Variants in MRTFB observed in about 807,000 individuals in gnomAD.
MRTFB encodes the protein myocardin related transcription factor B.
A neutral mutation model predicts 104.2 loss-of-function variants in MRTFB; 29 were observed. The ratio of observed to expected loss-of-function variants is 0.28; its 90% CI spans 0.21 to 0.38. The LOEUF is 0.38. MRTFB is among the 10% of genes least tolerant of loss of function. The probability of loss-of-function intolerance (pLI) is 1.00; values close to 1 mark genes in which losing one functional copy is unlikely to be tolerated. For missense variants in MRTFB, 1,270 were observed against 1,341.6 expected (o/e 0.95, Z 0.83); for synonymous variants, 535 against 519.5 (o/e 1.03, Z -0.41).
chr16:14,176,097 T>A (rs2039574096), intron 3 of MRTFB, among the ~76,000 whole-genome samples: 1 of 152,220 alleles, frequency 6.6e-6, no homozygotes, highest in Non-Finnish European at 1.5e-5. Flanking sequence ...TTAAATTATA[T>A]CTCAGCAAAA....
intron 3 of MRTFB, among the ~76,000 whole-genome samples, chr16:14,175,697 G>A (rs1386356430): frequency 6.6e-6 from 1 of 152,092 alleles, no homozygotes; most frequent in African/African-American, 2.4e-5. Context: ...GTAGCTCAAA[G>A]TTGAAAACTA....
chr16:14,139,082 T>G (rs1384455926), intron 2 of MRTFB, among the ~76,000 whole-genome samples: 5 of 152,174 alleles, frequency 3.3e-5, no homozygotes, highest in Non-Finnish European at 7.4e-5. Flanking sequence ...CATTAGTGGA[T>G]TTCATCAAAT....
chr16:14,167,992 A>G (rs889563314), intron 3 of MRTFB, among the ~76,000 whole-genome samples: 2 of 152,098 alleles, frequency 1.3e-5, no homozygotes, highest in African/African-American at 4.8e-5. Flanking sequence ...CGGCCAATCT[A>G]TCTTGAGTTA....
At chr16:14,210,158 G>C in intron 3 of MRTFB, 85 bp from the exon 4 acceptor site, 1 of 979,538 alleles carries the variant, frequency 1.0e-6, no homozygotes, top group African/African-American at 1.6e-5. Context: ...GCTTGATAAA[G>C]CTTAATTGCA....
At chr16:14,121,004 A>G (rs1462992373) in intron 2 of MRTFB, among the ~76,000 whole-genome samples, 1 of 152,124 alleles carries the variant, frequency 6.6e-6, no homozygotes, top group Non-Finnish European at 1.5e-5. Context: ...ACTCATATAT[A>G]TGTATAGTAT....
At chr16:14,060,382 T>A in the MRTFB span, among the ~76,000 whole-genome samples, 1 of 152,176 alleles carries the variant, frequency 6.6e-6, no homozygotes, top group East Asian at 1.9e-4. Flanking sequence ...AGTTGATGAA[T>A]GGATTCGCCA....
intron 2 of MRTFB, among the ~76,000 whole-genome samples, chr16:14,118,748 TACAC>T (rs933526439): frequency 4.0e-5 from 6 of 151,758 alleles, no homozygotes; most frequent in African/African-American, 1.5e-4. Context: ...CACATATATA[TACAC>T]ACACACATAT....
At chr16:14,090,091 A>AT (rs1174631339) in intron 2 of MRTFB, among the ~76,000 whole-genome samples, 1 of 151,508 alleles carries the variant, frequency 6.6e-6, no homozygotes, top group Non-Finnish European at 1.5e-5. Flanking sequence ...CCATTTTGTG[A>AT]TTGTCTTTTC....
chr16:14,040,354 T>C, the MRTFB span, among the ~76,000 whole-genome samples: 1 of 152,206 alleles, frequency 6.6e-6, no homozygotes, highest in African/African-American at 2.4e-5. Flanking sequence ...ATAGAATACA[T>C]GTATTTTATG....
chr16:14,005,564 G>T, the MRTFB span, among the ~76,000 whole-genome samples: 1 of 152,168 alleles, frequency 6.6e-6, no homozygotes, highest in Non-Finnish European at 1.5e-5. Context: ...TTGTTGAGAG[G>T]CCATGCTGGT....
chr16:14,163,625 A>T (rs2039122523), intron 3 of MRTFB, among the ~76,000 whole-genome samples: 1 of 152,132 alleles, frequency 6.6e-6, no homozygotes, highest in Non-Finnish European at 1.5e-5. Flanking sequence ...TGAGGTCAGG[A>T]GTTCAAAAAC....
At chr16:14,217,337 A>G in intron 7 of MRTFB, 50 bp downstream of exon 7, 1 of 1,500,388 alleles carries the variant, frequency 6.7e-7, no homozygotes, top group Non-Finnish European at 9.0e-7. Flanking sequence ...AAACTTGGAA[A>G]TTTTAGATAA....
At chr16:14,187,379 G>A (rs930716316) in intron 3 of MRTFB, among the ~76,000 whole-genome samples, 1 of 151,736 alleles carries the variant, frequency 6.6e-6, no homozygotes, top group Non-Finnish European at 1.5e-5. Context: ...CCTTTTTTAT[G>A]TTAGTGAGAA....
intron 9 of MRTFB, among the ~76,000 whole-genome samples, chr16:14,239,934 G>A (rs1183685289): frequency 1.3e-5 from 2 of 152,174 alleles, no homozygotes; most frequent in Non-Finnish European, 2.9e-5. Context: ...GTATGTGTAA[G>A]CACTTGGTAG....
chr16:14,155,976 C>T lies in MRTFB; in HGVS notation c.154+15216C>T, dbSNP rs141834430. On this transcript the variant is annotated intron_variant, in intron 3 of 16. Transcript: ENST00000571589. ...GCTGCCTTAGCCTGCTTAAGCTCTC[C>T]TCTCATCTCTGTCTCCTCAGTTCAG... is the stretch of plus-strand genomic sequence containing the variant. Among the ~76,000 whole-genome samples, 40 of 152,284 alleles carry T rather than the reference C, an allele frequency of 2.6e-4. No homozygotes were observed. The East Asian group carries it at 5.8e-3, about 22-fold the overall frequency.
the MRTFB span, among the ~76,000 whole-genome samples, chr16:14,013,613 G>T: frequency 1.3e-5 from 2 of 152,240 alleles, no homozygotes; most frequent in Middle Eastern, 3.2e-3. Context: ...GCGAACGTTT[G>T]TTGAACATGT....
intron 1 of MRTFB, among the ~76,000 whole-genome samples, chr16:14,073,173 A>G (rs1032549867): frequency 3.9e-5 from 6 of 152,204 alleles, no homozygotes; most frequent in African/African-American, 1.4e-4. Context: ...ACTTTTAAAT[A>G]TTGTAAAGTA....
intron 3 of MRTFB, among the ~76,000 whole-genome samples, chr16:14,149,887 C>T (rs907653825): frequency 1.3e-5 from 2 of 152,162 alleles, no homozygotes; most frequent in African/African-American, 4.8e-5. Context: ...CTGGCAGGAG[C>T]GTGCTCTGTT....
the MRTFB span, among the ~76,000 whole-genome samples, chr16:14,008,817 T>A: frequency 6.6e-6 from 1 of 152,210 alleles, no homozygotes; most frequent in African/African-American, 2.4e-5. Context: ...ACATGGGATG[T>A]CTTTCCATTT....
Sources: gnomAD v4.1 joint callset for allele counts (sites outside exome capture counted in the v4.1 genomes callset) on GRCh38, gnomAD v4.1.1 for gene constraint, MANE v1.5 for transcripts, NCBI Gene and HGNC (gene_info 2026-07-23, HGNC 2026-07-21) for gene names.